Variants in PCDHGA3 observed in about 807,000 individuals in gnomAD.
PCDHGA3 encodes protocadherin gamma subfamily A, 3, also known as protocadherin gamma-A3.
A neutral mutation model predicts 58.5 loss-of-function variants in PCDHGA3; 40 were observed. That is an observed-to-expected ratio of 0.68 (90% CI 0.53 to 0.89). The LOEUF is 0.89. Among genes scored for constraint, PCDHGA3 ranks in the 40% least tolerant of loss-of-function variants. PCDHGA3 has a pLI of 0.00. For synonymous variants in PCDHGA3, 530 were observed against 525.7 expected (o/e 1.01, Z -0.11); for missense variants, 1,223 against 1,195.9 (o/e 1.02, Z -0.33).
At chr5:141,430,404 A>T (rs1054341813) in intron 1 of PCDHGA3, among the ~76,000 whole-genome samples, 2 of 152,000 alleles carry the variant, frequency 1.3e-5, no homozygotes, top group African/African-American at 4.8e-5. Flanking sequence ...AAAGCTCACT[A>T]AAGTTTCTAT....
intron 1 of PCDHGA3, chr5:141,421,236 TCGGCTACAG>T (rs761399164): frequency 3.8e-5 from 60 of 1,594,916 alleles, no homozygotes; most frequent in Non-Finnish European, 5.1e-5. Flanking sequence ...CCATGGCGAA[TCGGCTACAG>T]CGCGGGGACC....
chr5:141,400,507 A>G (rs1158150708), intron 1 of PCDHGA3: 1 of 1,613,864 alleles, frequency 6.2e-7, no homozygotes, highest in Non-Finnish European at 8.5e-7. Context: ...CAGCGAGTCG[A>G]CTTCCCATCC....
chr5:141,452,641 CT>C (rs1351640847), intron 1 of PCDHGA3, among the ~76,000 whole-genome samples: 3 of 151,934 alleles, frequency 2.0e-5, no homozygotes, highest in Admixed American at 1.3e-4. Flanking sequence ...AATATATTTA[CT>C]CATTTGCTCC....
intron 1 of PCDHGA3, chr5:141,377,007 T>G (rs985572001): frequency 6.4e-6 from 1 of 155,470 alleles, no homozygotes; most frequent in Non-Finnish European, 1.4e-5. Context: ...TTTTTATTGG[T>G]TGACAGGAAA....
In PCDHGA3 at chr5:141,394,790, G is replaced by A. The variant is rs776824024; in HGVS notation, c.2424+48333G>A. The A allele has an allele frequency of 2.4e-5, 39 of 1,613,718 alleles. No homozygotes were observed. The African/African-American group carries it at 3.2e-4, about 13-fold the overall frequency. ...AGCCCCCTCTCTCCGCCACTGTCAC[G>A]CTCACCGTAGCCGTGGCTGACAGCA... On this transcript the variant is annotated intron_variant, in intron 1 of 3. Transcript: ENST00000253812.
intron 1 of PCDHGA3, among the ~76,000 whole-genome samples, chr5:141,474,448 A>G (rs1350019257): frequency 3.3e-5 from 5 of 152,204 alleles, no homozygotes; most frequent in Non-Finnish European, 5.9e-5. Context: ...GTAGCAAGTG[A>G]TTGGGCTATA....
chr5:141,457,264 C>T (rs2098915249), intron 1 of PCDHGA3, among the ~76,000 whole-genome samples: 1 of 152,142 alleles, frequency 6.6e-6, no homozygotes, highest in South Asian at 2.1e-4. Flanking sequence ...ATAGAATTCC[C>T]CTCTGTGGGC....
intron 1 of PCDHGA3, chr5:141,384,799 G>T (rs1342288929): frequency 6.2e-7 from 1 of 1,613,476 alleles, no homozygotes; most frequent in South Asian, 1.1e-5. Flanking sequence ...GGCCCTGCTG[G>T]ACAGAGATGC....
intron 1 of PCDHGA3, chr5:141,366,246 A>G: frequency 6.2e-7 from 1 of 1,613,762 alleles, no homozygotes; most frequent in Non-Finnish European, 8.5e-7. Context: ...GACGCGCTCA[A>G]GCAGAGCCTC....
At chr5:141,410,338 C>T (rs1050053577) in intron 1 of PCDHGA3, 35 of 1,613,900 alleles carry the variant, frequency 2.2e-5, no homozygotes, top group Non-Finnish European at 2.2e-5. Context: ...TGGCCATTGC[C>T]TTGCGCCTGC....
intron 1 of PCDHGA3, chr5:141,433,015 C>T (rs2154555449): frequency 2.5e-6 from 4 of 1,614,172 alleles, no homozygotes; most frequent in South Asian, 2.2e-5. Flanking sequence ...TCCTGCAGAC[C>T]TATTCCCACG....
At chr5:141,420,301 C>CT (rs768732518) in intron 1 of PCDHGA3, 1 of 1,462,190 alleles carries the variant, frequency 6.8e-7, no homozygotes, top group African/African-American at 1.4e-5. Flanking sequence ...GTATTTAATC[C>CT]TTTTTATATT....
chr5:141,485,446 C>A lies in PCDHGA3; in HGVS notation c.2425-9361C>A. On this transcript the variant is annotated intron_variant, in intron 1 of 3. Transcript: ENST00000253812. This position sits in a 1 kb window ranked among gnomAD's most constrained non-coding sequence, Gnocchi z 5.7. ...CCCTGCTCATCAAGAACCCAATCGA[C>A]CGAGAGGCACTGTGTGGGCTCAGTG... is the stretch of plus-strand genomic sequence containing the variant. 6.2e-7 allele frequency: 1 copy of A among 1,614,156 alleles called. No individual in the cohort carries two copies. The highest frequency in any genetic ancestry group is 8.5e-7 in the Non-Finnish European group (1 of 1,180,018).
At chr5:141,356,702 T>G in intron 1 of PCDHGA3, 1 of 1,614,034 alleles carries the variant, frequency 6.2e-7, no homozygotes, top group Non-Finnish European at 8.5e-7. Flanking sequence ...GGTGCACCTC[T>G]GTCCTCCTAT....
intron 1 of PCDHGA3, chr5:141,410,123 C>A: frequency 1.2e-6 from 2 of 1,612,780 alleles, no homozygotes; most frequent in Non-Finnish European, 1.7e-6. Flanking sequence ...AGCCCGCCAG[C>A]GCCTGCTGGT....
chr5:141,418,941 C>T, intron 1 of PCDHGA3: 1 of 1,614,034 alleles, frequency 6.2e-7, no homozygotes, highest in Non-Finnish European at 8.5e-7. Context: ...GAGGATTCCC[C>T]TCCAGGAGTG....
At chr5:141,372,507 C>G (rs1393188281) in intron 1 of PCDHGA3, 1 of 1,614,044 alleles carries the variant, frequency 6.2e-7, no homozygotes, top group Non-Finnish European at 8.5e-7. Context: ...GCTCTTCCTC[C>G]TCGCGGTGAT....
intron 1 of PCDHGA3, among the ~76,000 whole-genome samples, chr5:141,449,041 C>T (rs998143732): frequency 3.3e-5 from 5 of 152,126 alleles, no homozygotes; most frequent in Admixed American, 3.3e-4. Flanking sequence ...GATTATTAAC[C>T]AGTCTCATAA....
At chr5:141,458,438 C>T (rs2098945825) in intron 1 of PCDHGA3, among the ~76,000 whole-genome samples, 1 of 152,024 alleles carries the variant, frequency 6.6e-6, no homozygotes, top group Non-Finnish European at 1.5e-5. Flanking sequence ...GAGGAGGTCC[C>T]CCACATTAAC....
Sources: gnomAD v4.1 joint callset for allele counts (sites outside exome capture counted in the v4.1 genomes callset) on GRCh38, gnomAD v4.1.1 for gene constraint, Gnocchi (gnomAD v3.1) non-coding constraint, MANE v1.5 for transcripts, NCBI Gene and HGNC (gene_info 2026-07-23, HGNC 2026-07-21) for gene names.